Variants in OSBPL5 observed in about 807,000 individuals in gnomAD.
OSBPL5 encodes the protein oxysterol binding protein like 5, also known as oxysterol-binding protein-related protein 5.
Under a neutral mutation model 111.2 loss-of-function variants are expected in OSBPL5, and 71 were observed. That is an observed-to-expected ratio of 0.64 (90% CI 0.53 to 0.78). The LOEUF (loss-of-function observed/expected upper bound fraction) is 0.78. Among genes scored for constraint, OSBPL5 ranks in the 30% least tolerant of loss-of-function variants. The pLI, the probability that OSBPL5 is intolerant of heterozygous loss-of-function variation, is 0.00. For synonymous variants in OSBPL5, 549 were observed against 513.9 expected (o/e 1.07, Z -0.93); for missense variants, 1,210 against 1,189.3 (o/e 1.02, Z -0.26).
chr11:3,119,818 G>A, intron 6 of OSBPL5, 187 bp from the exon 7 acceptor site: 1 of 542,604 alleles, frequency 1.8e-6, no homozygotes, highest in Non-Finnish European at 3.2e-6. Flanking sequence ...GGTAGGTGGG[G>A]GAGCTCTGTC....
At chr11:3,093,118 C>G in intron 17 of OSBPL5, 66 bp from the exon 18 acceptor site, 1 of 1,427,670 alleles carries the variant, frequency 7.0e-7, no homozygotes, top group Non-Finnish European at 9.2e-7. Context: ...AGCTAGGAAT[C>G]AGGGCCCCTT....
chr11:3,117,481 A>G (rs1424164594), intron 7 of OSBPL5, among the ~76,000 whole-genome samples: 1 of 152,248 alleles, frequency 6.6e-6, no homozygotes, highest in Non-Finnish European at 1.5e-5. Flanking sequence ...TTAAAAGCCT[A>G]TGTAAAAACT....
chr11:3,133,804 G>T lies in OSBPL5; in HGVS notation c.-21-4635C>A, dbSNP rs61870224. 8.0e-3 allele frequency among the ~76,000 whole-genome samples: 1,221 copies of T among 152,330 alleles called. 9 individuals are homozygous for T. Among genetic ancestry groups the T allele is most frequent in the Non-Finnish European group, 0.014 (924 of 68,024 alleles). Reference sequence around the variant, plus strand: ...AGGAGCCCCAGAGTGCCCCTCCCACGGTGAGACTGTCCCTGGGGCCAAAGA... The same window carrying T: ...AGGAGCCCCAGAGTGCCCCTCCCACTGTGAGACTGTCCCTGGGGCCAAAGA... On this transcript the variant is annotated intron_variant, in intron 1 of 21. Transcript: ENST00000263650.
chr11:3,160,148 A>AGGGGG (rs1242548831), intron 1 of OSBPL5, among the ~76,000 whole-genome samples: 3 of 151,792 alleles, frequency 2.0e-5, no homozygotes, highest in Non-Finnish European at 4.4e-5. Context: ...CTAAGGCAGC[A>AGGGGG]GGGGGTGGGG....
rs773818269 is a variant in OSBPL5, at chr11:3,102,229, C to A, written c.1379G>T (p.Trp460Leu). The A allele has an allele frequency of 9.9e-6, 16 of 1,609,358 alleles. No individual in the cohort carries two copies. In the African/African-American group the frequency reaches 2.0e-4, roughly 20 times the overall value. Residue 460 changes from tryptophan (W) to leucine (L), a missense_variant, in exon 12 of 22, where the codon TGG becomes TTG. Coordinates refer to ENST00000263650, the MANE Select transcript of OSBPL5 (RefSeq NM_020896.4). The stretch of plus-strand genomic sequence containing the variant: ...GCGGCTGTCAGTCTGCGGGTGGAAC[C>A]AGCAGCAGCGGAAGGTCTCCCCCAG... Reference protein sequence around the residue: ...PILGETFRCCWFHPQTDSRTF... With the variant: ...PILGETFRCCLFHPQTDSRTF...
intron 19 of OSBPL5, among the ~76,000 whole-genome samples, chr11:3,091,104 G>A (rs1857040743): frequency 6.6e-6 from 1 of 152,234 alleles, no homozygotes; most frequent in South Asian, 2.1e-4. Flanking sequence ...GAGGTTCATA[G>A]GAACCCCAGA....
intron 7 of OSBPL5, among the ~76,000 whole-genome samples, chr11:3,118,684 G>A (rs1416284504): frequency 6.8e-6 from 1 of 147,096 alleles, no homozygotes; most frequent in Non-Finnish European, 1.5e-5. Context: ...GGATTCTCTT[G>A]CCTCAGCCTC....
In OSBPL5 at chr11:3,118,570, A is replaced by ATTT. The variant is rs143316664; in HGVS notation, c.691+974_691+976dup. ...GGCCTCAACCTTGGCAAAATAAACT[A>ATTT]TTTTTTTTTTTTTTTTTTTGAGATG... On this transcript the variant is annotated intron_variant, in intron 7 of 21. Transcript: ENST00000263650. Among the ~76,000 whole-genome samples, 1,187 of 124,114 alleles carry ATTT rather than the reference A, an allele frequency of 9.6e-3. 37 individuals are homozygous for ATTT. Among genetic ancestry groups the ATTT allele is most frequent in the African/African-American group, 0.034 (1,118 of 32,434 alleles). 81.4% of individuals were successfully genotyped at this position (124,114 alleles called of 152,430 possible).
intron 3 of OSBPL5, among the ~76,000 whole-genome samples, chr11:3,123,285 C>G (rs528081314): frequency 2.0e-5 from 3 of 152,274 alleles, no homozygotes; most frequent in South Asian, 2.1e-4. Context: ...AGCTACGACC[C>G]GAATCCTGCC....
rs931009592 is a variant in OSBPL5 at position 3,113,041 on chromosome 11, G to C, written c.692-5096C>G. Among the ~76,000 whole-genome samples, 8 of 152,276 alleles carry C rather than the reference G, an allele frequency of 5.3e-5. No individual in the cohort carries two copies. The highest frequency in any genetic ancestry group is 5.2e-4 in the Admixed American group (8 of 15,298). On this transcript the variant is annotated intron_variant, in intron 7 of 21. Coordinates refer to ENST00000263650, the MANE Select transcript of OSBPL5 (RefSeq NM_020896.4). This position sits in a 1 kb window ranked among gnomAD's most constrained non-coding sequence, Gnocchi z 4.8. ...TGTATTTATGTGTCGTGTACACAATGTTTCACTACTGAAAATATATAAAAG... is the reference window on the plus strand; with the variant it reads ...TGTATTTATGTGTCGTGTACACAATCTTTCACTACTGAAAATATATAAAAG...
intron 21 of OSBPL5, among the ~76,000 whole-genome samples, chr11:3,088,776 G>T (rs1856959992): frequency 6.6e-6 from 1 of 152,136 alleles, no homozygotes; most frequent in Admixed American, 6.5e-5. Flanking sequence ...CCATGGGACT[G>T]GTGTCCTTAT....
chr11:3,111,971 A>ATGTGTGTGCATGTGTGTG (rs1491583019), intron 7 of OSBPL5, among the ~76,000 whole-genome samples: 1 of 115,422 alleles, frequency 8.7e-6, no homozygotes, highest in Non-Finnish European at 2.1e-5. Flanking sequence ...GTGTGTGTGC[A>ATGTGTGTGCATGTGTGTG]TATGTGTGCG....
At chr11:3,143,866 GCC>G (rs1846237158) in intron 1 of OSBPL5, among the ~76,000 whole-genome samples, 1 of 152,358 alleles carries the variant, frequency 6.6e-6, no homozygotes, top group East Asian at 1.9e-4. Flanking sequence ...GCTGAGCAGG[GCC>G]CGAGGAAGGC....
chr11:3,156,985 C>T (rs1215721261), intron 1 of OSBPL5, among the ~76,000 whole-genome samples: 1 of 152,262 alleles, frequency 6.6e-6, no homozygotes, highest in South Asian at 2.1e-4. Flanking sequence ...AAGCACTGCA[C>T]CCCGTCCACA....
At position 3,157,047 on chromosome 11, in the gene OSBPL5, C is replaced by T. The variant is rs1010568594; in HGVS notation, c.-22+8169G>A. Among the ~76,000 whole-genome samples the T allele has an allele frequency of 3.3e-5, 5 of 152,244 alleles. No homozygotes were observed. In the East Asian group the frequency reaches 7.7e-4, roughly 23 times the overall value. On this transcript the variant is annotated intron_variant, in intron 1 of 21. Transcript: ENST00000263650. Reference sequence around the variant, plus strand: ...CCCCAAGGGCAGCAAGCTCCCAGTTCGCACAGGTCAGAACGTGAAGGATGC... The same window carrying T: ...CCCCAAGGGCAGCAAGCTCCCAGTTTGCACAGGTCAGAACGTGAAGGATGC...
intron 1 of OSBPL5, among the ~76,000 whole-genome samples, chr11:3,131,617 ATCTG>A (rs1474530132): frequency 3.6e-3 from 109 of 30,094 alleles, no homozygotes; most frequent in African/African-American, 9.0e-3. Flanking sequence ...CCATTCATCC[ATCTG>A]TCTATTCATC....
At chr11:3,093,185 G>A in intron 17 of OSBPL5, 133 bp from the exon 18 acceptor site, 2 of 967,912 alleles carry the variant, frequency 2.1e-6, no homozygotes, top group South Asian at 3.6e-5. Context: ...GTGACAGGGA[G>A]CTCACTACTT....
At chr11:3,128,559 C>T (rs991761883) in intron 2 of OSBPL5, among the ~76,000 whole-genome samples, 1 of 152,200 alleles carries the variant, frequency 6.6e-6, no homozygotes, top group Non-Finnish European at 1.5e-5. Context: ...CCAGCTGTCC[C>T]CTCTCAGAGC....
intron 7 of OSBPL5, among the ~76,000 whole-genome samples, chr11:3,115,492 T>C (rs1385432784): frequency 2.0e-5 from 3 of 152,280 alleles, no homozygotes; most frequent in Admixed American, 6.5e-5. Flanking sequence ...ATAAACCACA[T>C]TCCTGAGACA....
Sources: allele counts gnomAD v4.1 joint callset (sites outside exome capture counted in the v4.1 genomes callset), GRCh38; gene constraint gnomAD v4.1.1; non-coding constraint Gnocchi (gnomAD v3.1); transcripts MANE v1.5; gene names NCBI Gene and HGNC (gene_info 2026-07-23, HGNC 2026-07-21).